TP63: variants seen among roughly 807,000 people sequenced by gnomAD.
TP63 encodes the protein tumor protein p63, also known as tumor protein 63.
A neutral mutation model predicts 82.8 loss-of-function variants in TP63; 17 were observed. The observed-to-expected ratio is 0.21, with a 90% CI of 0.14 to 0.31. The LOEUF is 0.31. TP63 is among the 10% of genes least tolerant of loss of function. The probability of loss-of-function intolerance (pLI) is 1.00; values close to 1 mark genes in which losing one functional copy is unlikely to be tolerated. For missense variants in TP63, 648 were observed against 895.3 expected (o/e 0.72, Z 3.52); for synonymous variants, 330 against 321.7 (o/e 1.03, Z -0.28).
intron 3 of TP63, among the ~76,000 whole-genome samples, chr3:189,750,518 G>A (rs1414564714): frequency 2.0e-5 from 3 of 152,216 alleles, no homozygotes; most frequent in South Asian, 2.1e-4. Context: ...TCAAGGTATC[G>A]AATACTCCAA....
the TP63 span, among the ~76,000 whole-genome samples, chr3:189,614,415 C>T: frequency 4.3e-4 from 66 of 152,252 alleles, no homozygotes; most frequent in Non-Finnish European, 8.5e-4. Flanking sequence ...CCAATTAAAC[C>T]TCCTCCTTTT....
At chr3:189,864,722 AG>A (rs1005099117) in intron 5 of TP63, among the ~76,000 whole-genome samples, 8 of 151,936 alleles carry the variant, frequency 5.3e-5, no homozygotes, top group African/African-American at 1.9e-4. Context: ...AAATAAAATA[AG>A]AGGCTGGGTA....
intron 7 of TP63, among the ~76,000 whole-genome samples, chr3:189,868,218 A>G (rs1717970395): frequency 6.6e-6 from 1 of 152,206 alleles, no homozygotes; most frequent in African/African-American, 2.4e-5. Context: ...TGATTAGACC[A>G]TGGTCCTCAA....
chr3:189,883,337 T>C (rs1273152850), intron 10 of TP63, among the ~76,000 whole-genome samples: 2 of 152,212 alleles, frequency 1.3e-5, no homozygotes, highest in Admixed American at 1.3e-4. Flanking sequence ...TTCCCTTCCG[T>C]GTGGCTTTAA....
chr3:189,704,302 C>T (rs1290276948), intron 1 of TP63, among the ~76,000 whole-genome samples: 1 of 152,230 alleles, frequency 6.6e-6, no homozygotes, highest in Non-Finnish European at 1.5e-5. Context: ...TTCTGGTTCT[C>T]TACGTGGTAA....
At chr3:189,783,199 A>G (rs1037406260) in intron 3 of TP63, among the ~76,000 whole-genome samples, 4 of 151,956 alleles carry the variant, frequency 2.6e-5, no homozygotes, top group Non-Finnish European at 5.9e-5. Context: ...AATGCATTCA[A>G]TGAACTGAGA....
the TP63 span, among the ~76,000 whole-genome samples, chr3:189,617,433 T>C: frequency 2.0e-5 from 3 of 152,220 alleles, no homozygotes; most frequent in East Asian, 5.8e-4. Flanking sequence ...AATCTATGGC[T>C]ACCTGTCCTG....
At chr3:189,852,596 A>G (rs1054550473) in intron 4 of TP63, among the ~76,000 whole-genome samples, 1 of 152,152 alleles carries the variant, frequency 6.6e-6, no homozygotes, top group Non-Finnish European at 1.5e-5. Flanking sequence ...CTACTGCCCT[A>G]GGTTGGGCCT....
chr3:189,641,270 C>A (rs1188221337), intron 1 of TP63, among the ~76,000 whole-genome samples: 2 of 151,986 alleles, frequency 1.3e-5, no homozygotes, highest in Non-Finnish European at 2.9e-5. Flanking sequence ...TTTACTGTAG[C>A]AAATTTGGTT....
intron 4 of TP63, among the ~76,000 whole-genome samples, chr3:189,825,989 A>G (rs1729308667): frequency 6.6e-6 from 1 of 152,044 alleles, no homozygotes; most frequent in Non-Finnish European, 1.5e-5. Context: ...CTTTCTCTGA[A>G]GAAGGACGTG....
At chr3:189,881,365 C>G in intron 10 of TP63, 1 of 985,204 alleles carries the variant, frequency 1.0e-6, no homozygotes, top group South Asian at 4.7e-5. Context: ...AATGTTCCTC[C>G]CCTCCATCTT....
chr3:189,836,818 A>G (rs1713216722), intron 4 of TP63, among the ~76,000 whole-genome samples: 1 of 152,152 alleles, frequency 6.6e-6, no homozygotes, highest in Non-Finnish European at 1.5e-5. Flanking sequence ...AGCATGTCAC[A>G]CTCTGACCAA....
intron 3 of TP63, among the ~76,000 whole-genome samples, chr3:189,769,491 T>G (rs1723181220): frequency 6.6e-6 from 1 of 152,230 alleles, no homozygotes; most frequent in African/African-American, 2.4e-5. Context: ...GTGTATCCAC[T>G]GGATGTAAGA....
At chr3:189,684,634 T>C (rs1390747817) in intron 1 of TP63, among the ~76,000 whole-genome samples, 2 of 82,420 alleles carry the variant, frequency 2.4e-5, no homozygotes, top group Admixed American at 1.2e-4. Flanking sequence ...CTTTCTTTCT[T>C]TTTTTTTTTT....
chr3:189,705,997 G>C (rs1473156634), intron 1 of TP63, among the ~76,000 whole-genome samples: 1 of 152,182 alleles, frequency 6.6e-6, no homozygotes, highest in African/African-American at 2.4e-5. Context: ...TATTAATTCT[G>C]TAGTGCCCAT....
Position 189,866,572 on chromosome 3 carries a change from AT to A in TP63, c.767-108del. 4.1e-6 allele frequency: 4 copies of A among 965,840 alleles called. No individual in the cohort carries two copies. The South Asian group carries it at 5.7e-5, about 14-fold the overall frequency. The allele number at this position is 965,840 out of a possible 1,614,324, so 59.8% of individuals were successfully genotyped here. A position where few individuals can be genotyped will look rare whatever the true frequency, so the allele number is the denominator to read the frequency against. ...TTCTTCAAGGATGCACATTTTCTTT[AT>A]TATACAGACTATTTCTTTTGCCACC... On this transcript the variant is annotated intron_variant, in intron 5 of 13. Coordinates refer to ENST00000264731, the MANE Select transcript of TP63 (RefSeq NM_003722.5).
chr3:189,781,492 C>T (rs1724231343), intron 3 of TP63, among the ~76,000 whole-genome samples: 1 of 152,160 alleles, frequency 6.6e-6, no homozygotes, highest in South Asian at 2.1e-4. Flanking sequence ...GCAATTAAAA[C>T]CAGAGACGGA....
chr3:189,868,778 G>C, intron 8 of TP63, 62 bp downstream of exon 8: 1 of 1,611,708 alleles, frequency 6.2e-7, no homozygotes, highest in Non-Finnish European at 8.5e-7. Context: ...TGGAGAATGG[G>C]GTGATATTGG....
At chr3:189,715,203 A>G (rs1383740037) in intron 1 of TP63, among the ~76,000 whole-genome samples, 6 of 152,116 alleles carry the variant, frequency 3.9e-5, no homozygotes, top group Non-Finnish European at 8.8e-5. Context: ...GAGGACTGCT[A>G]AGCCACTAGA....
Sources: allele counts gnomAD v4.1 joint callset (sites outside exome capture counted in the v4.1 genomes callset), GRCh38; gene constraint gnomAD v4.1.1; transcripts MANE v1.5; gene names NCBI Gene and HGNC (gene_info 2026-07-23, HGNC 2026-07-21).